Variants in GALNT14 observed in about 807,000 individuals in gnomAD.
The protein encoded by GALNT14 is UDP-GalNAc:polypeptide N-acetylgalactosaminyltransferase 14.
Under a neutral mutation model 77.5 loss-of-function variants are expected in GALNT14, and 60 were observed. That is an observed-to-expected ratio of 0.77 (90% confidence interval 0.63 to 0.96). The LOEUF (loss-of-function observed/expected upper bound fraction) is 0.96. Ranked by LOEUF, GALNT14 falls within the 40% of genes least tolerant of loss-of-function variation. The pLI is 0.00. For synonymous variants in GALNT14, 280 were observed against 281.7 expected, an observed-to-expected ratio of 0.99 and a Z score of 0.06; for missense variants, 710 against 731.0, an observed-to-expected ratio of 0.97 and a Z score of 0.33.
intron 2 of GALNT14, among the ~76,000 whole-genome samples, chr2:30,984,513 T>A (rs1489983622): frequency 6.6e-6 from 1 of 152,202 alleles, no homozygotes; most frequent in Non-Finnish European, 1.5e-5. Context: ...CTAATCTCCT[T>A]ATCCTGAATT....
intron 1 of GALNT14, among the ~76,000 whole-genome samples, chr2:31,118,743 G>C (rs908930622): frequency 5.3e-5 from 8 of 151,984 alleles, no homozygotes; most frequent in Non-Finnish European, 1.2e-4. Context: ...ATCTCAAAAA[G>C]GAGAGACAAA....
intron 1 of GALNT14, among the ~76,000 whole-genome samples, chr2:31,101,614 T>C (rs1244684874): frequency 6.6e-6 from 1 of 152,142 alleles, no homozygotes; most frequent in Non-Finnish European, 1.5e-5. Flanking sequence ...AGTCTCCTGA[T>C]TCCTTTAGTT....
intron 1 of GALNT14, among the ~76,000 whole-genome samples, chr2:31,063,216 C>T (rs1221394235): frequency 1.3e-5 from 2 of 152,118 alleles, no homozygotes; most frequent in South Asian, 2.1e-4. Flanking sequence ...GTCTTTAATC[C>T]ACCTTGAGTT....
intron 5 of GALNT14, 81 bp downstream of exon 5, chr2:30,955,831 C>T: frequency 6.2e-7 from 1 of 1,607,566 alleles, no homozygotes; most frequent in Non-Finnish European, 8.5e-7. Context: ...CCCCACTGAT[C>T]ACCCCAACAC....
At chr2:31,038,085 T>TATATATATATATATATATATATATATA (rs1491282655) in intron 1 of GALNT14, among the ~76,000 whole-genome samples, 64 of 38,864 alleles carry the variant, frequency 1.6e-3, no homozygotes, top group African/African-American at 2.3e-3. Context: ...TATATATATA[T>TATATATATATATATATATATATATATA]TTTTTTTTTT....
At chr2:31,111,902 C>G (rs1296048293) in intron 1 of GALNT14, among the ~76,000 whole-genome samples, 1 of 151,690 alleles carries the variant, frequency 6.6e-6, no homozygotes, top group Non-Finnish European at 1.5e-5. Flanking sequence ...AATAGGCCAT[C>G]AGAAGTACGG....
At chr2:30,986,830 G>C (rs1573096954) in intron 2 of GALNT14, 1 of 152,204 alleles carries the variant, frequency 6.6e-6, no homozygotes, top group East Asian at 1.9e-4. Flanking sequence ...GACTTAAGCA[G>C]TGACCTGGAA....
At chr2:30,904,960 T>A in the GALNT14 span, among the ~76,000 whole-genome samples, 1 of 151,858 alleles carries the variant, frequency 6.6e-6, no homozygotes, top group Non-Finnish European at 1.5e-5. Context: ...CACTGACACC[T>A]CACACGGCAG....
At chr2:31,072,282 T>TACACACACACAC (rs1198431998) in intron 1 of GALNT14, among the ~76,000 whole-genome samples, 1 of 37,760 alleles carries the variant, frequency 2.6e-5, no homozygotes, top group Non-Finnish European at 5.2e-5. Context: ...CACACACACA[T>TACACACACACAC]ACACACACAC....
At chr2:30,895,230 G>A in the GALNT14 span, among the ~76,000 whole-genome samples, 1 of 152,166 alleles carries the variant, frequency 6.6e-6, no homozygotes, top group Non-Finnish European at 1.5e-5. Flanking sequence ...CAGAGGCAGT[G>A]GGGGGTCCCA....
At chr2:31,055,774 A>T (rs746750428) in intron 1 of GALNT14, among the ~76,000 whole-genome samples, 1 of 152,222 alleles carries the variant, frequency 6.6e-6, no homozygotes, top group Non-Finnish European at 1.5e-5. Context: ...AGACCCTGCT[A>T]GTACGGTGAC....
chr2:31,042,893 A>G (rs1673187403), intron 1 of GALNT14, among the ~76,000 whole-genome samples: 1 of 152,166 alleles, frequency 6.6e-6, no homozygotes, highest in Non-Finnish European at 1.5e-5. Flanking sequence ...CCTTTCTAAA[A>G]CAAGTCAGAT....
intron 1 of GALNT14, among the ~76,000 whole-genome samples, chr2:31,017,773 C>A (rs565082185): frequency 6.6e-6 from 1 of 152,084 alleles, no homozygotes; most frequent in South Asian, 2.1e-4. Flanking sequence ...AGAAAGAGGG[C>A]GCTTGATGAA....
At chr2:31,085,241 A>G (rs1487911926) in intron 1 of GALNT14, among the ~76,000 whole-genome samples, 1 of 152,108 alleles carries the variant, frequency 6.6e-6, no homozygotes, top group Non-Finnish European at 1.5e-5. Flanking sequence ...CCACTCCCTC[A>G]TCTTCCAGGC....
intron 1 of GALNT14, among the ~76,000 whole-genome samples, chr2:31,067,248 G>C (rs1301053142): frequency 6.6e-6 from 1 of 152,188 alleles, no homozygotes; most frequent in Non-Finnish European, 1.5e-5. Flanking sequence ...GTGCTGCAGA[G>C]AGGAATGGCA....
At chr2:31,106,051 C>G (rs1056792648) in intron 1 of GALNT14, among the ~76,000 whole-genome samples, 2 of 152,254 alleles carry the variant, frequency 1.3e-5, no homozygotes, top group African/African-American at 4.8e-5. Context: ...ACCTCCACAC[C>G]CACTTTTCTA....
intron 5 of GALNT14, 36 bp downstream of exon 5, chr2:30,955,876 C>G: frequency 1.2e-6 from 2 of 1,613,148 alleles, no homozygotes; most frequent in Non-Finnish European, 1.7e-6. Flanking sequence ...CCCCGACACT[C>G]ACACTGGAGG....
chr2:30,956,327 AAAC>A (rs2148319976), intron 4 of GALNT14, among the ~76,000 whole-genome samples: 1 of 152,286 alleles, frequency 6.6e-6, no homozygotes, highest in Admixed American at 6.5e-5. Flanking sequence ...TTTTCTCTTT[AAAC>A]AATTTTTAAT....
chr2:30,979,246 T>G (rs1668834846), intron 2 of GALNT14, among the ~76,000 whole-genome samples: 1 of 152,062 alleles, frequency 6.6e-6, no homozygotes. Context: ...CAGCAAGATA[T>G]CTCAGGGAGC....
Sources: allele counts gnomAD v4.1 joint callset (sites outside exome capture counted in the v4.1 genomes callset), GRCh38; gene constraint gnomAD v4.1.1; transcripts MANE v1.5; gene names NCBI Gene and HGNC (gene_info 2026-07-23, HGNC 2026-07-21).